UST: variants seen among roughly 807,000 people sequenced by gnomAD.
UST encodes chondroitin sulfate 2-O-sulfotransferase.
Under a neutral mutation model 45.6 loss-of-function variants are expected in UST, and 21 were observed. The ratio of observed to expected loss-of-function variants is 0.46; its 90% CI spans 0.33 to 0.66. The LOEUF is 0.66. UST is among the 30% of genes least tolerant of loss of function. UST has a pLI of 0.02. For synonymous variants in UST, 215 were observed against 200.6 expected, an observed-to-expected ratio of 1.07 and a Z score of -0.61; for missense variants, 463 against 512.4, an observed-to-expected ratio of 0.90 and a Z score of 0.93.
At chr6:148,820,349 A>G (rs1777432904) in intron 1 of UST, among the ~76,000 whole-genome samples, 1 of 152,086 alleles carries the variant, frequency 6.6e-6, no homozygotes, top group Non-Finnish European at 1.5e-5. Flanking sequence ...CTTTCTGTAT[A>G]TCATTATTAT....
In UST at chr6:148,824,342, T is replaced by C. The variant is rs143873434; in HGVS notation, c.248-62644T>C. Among the ~76,000 whole-genome samples, 163 of 152,350 alleles carry C rather than the reference T, an allele frequency of 1.1e-3. 1 individual carries two copies. The highest frequency in any genetic ancestry group is 0.01 in the Middle Eastern group (3 of 294). On this transcript the variant is annotated intron_variant, in intron 1 of 7. Coordinates refer to ENST00000367463, the MANE Select transcript of UST (RefSeq NM_005715.3). The stretch of plus-strand genomic sequence containing the variant: ...CTATGTCCCAGTCACTAGGTGATTG[T>C]GCAGTATAGGTACAGTAAGAGACAT...
chr6:148,851,943 A>G (rs1010656792), intron 1 of UST, among the ~76,000 whole-genome samples: 3 of 152,226 alleles, frequency 2.0e-5, no homozygotes, highest in African/African-American at 7.2e-5. Context: ...CGAGTGAGTG[A>G]GGCCCACACT....
At chr6:149,059,593 A>C (rs1480252802) in intron 7 of UST, among the ~76,000 whole-genome samples, 1 of 152,228 alleles carries the variant, frequency 6.6e-6, no homozygotes, top group African/African-American at 2.4e-5. Context: ...TAGAAGAAAG[A>C]GCCTGTGTTT....
chr6:149,046,200 A>T (rs1231129737), intron 7 of UST, among the ~76,000 whole-genome samples: 4 of 152,198 alleles, frequency 2.6e-5, no homozygotes, highest in African/African-American at 9.7e-5. Flanking sequence ...TGTAAGCAAG[A>T]ATGGCTTCAG....
rs12215530 is a variant in UST at position 148,901,691 on chromosome 6, G to T, written c.291+14662G>T. On this transcript the variant is annotated intron_variant, in intron 2 of 7. Coordinates refer to ENST00000367463, the MANE Select transcript of UST (RefSeq NM_005715.3). ...TCCTGCCTCAGCCTCCTGAGTAGCT[G>T]GGATTGCAGGCGCCTGCCACCACGC... is the stretch of plus-strand genomic sequence containing the variant. Among the ~76,000 whole-genome samples, 1,351 of 152,020 alleles carry T rather than the reference G, an allele frequency of 8.9e-3. 17 individuals are homozygous for T. Among genetic ancestry groups the T allele is most frequent in the Middle Eastern group, 0.024 (7 of 292 alleles).
At chr6:148,958,054 C>T (rs1016977759) in intron 4 of UST, among the ~76,000 whole-genome samples, 6 of 152,156 alleles carry the variant, frequency 3.9e-5, no homozygotes, top group Non-Finnish European at 8.8e-5. Flanking sequence ...AGGCATTATA[C>T]CATAGCTAAT....
chr6:148,883,598 T>C (rs982070162), intron 1 of UST, among the ~76,000 whole-genome samples: 1 of 152,218 alleles, frequency 6.6e-6, no homozygotes, highest in African/African-American at 2.4e-5. Context: ...GGGTGCTCTG[T>C]ATGCATTATT....
intron 5 of UST, among the ~76,000 whole-genome samples, chr6:148,976,937 A>G (rs1207194882): frequency 6.6e-6 from 1 of 152,036 alleles, no homozygotes; most frequent in Non-Finnish European, 1.5e-5. Context: ...GATCTTATTA[A>G]CTCTGAAACT....
chr6:149,070,175 A>T (rs1776798595), intron 7 of UST, among the ~76,000 whole-genome samples: 1 of 152,204 alleles, frequency 6.6e-6, no homozygotes, highest in Non-Finnish European at 1.5e-5. Context: ...AGAGGAAGGG[A>T]TTGAAGGAGG....
At chr6:148,997,657 T>C (rs1370005841) in intron 5 of UST, among the ~76,000 whole-genome samples, 2 of 152,182 alleles carry the variant, frequency 1.3e-5, no homozygotes, top group South Asian at 2.1e-4. Flanking sequence ...GAACACACTA[T>C]ACTAATAGTC....
At chr6:148,877,747 C>T (rs1432586423) in intron 1 of UST, among the ~76,000 whole-genome samples, 3 of 70,238 alleles carry the variant, frequency 4.3e-5, no homozygotes, top group African/African-American at 1.4e-4. Context: ...TGCAGGGGGT[C>T]GTGTATGAGT....
Position 148,945,825 on chromosome 6 carries a change from G to A in UST, c.447+4391G>A, listed in dbSNP as rs541479239. Among the ~76,000 whole-genome samples, 16 of 152,270 alleles carry A rather than the reference G, an allele frequency of 1.1e-4. No homozygotes were observed. The East Asian group carries it at 3.1e-3, about 29-fold the overall frequency. On this transcript the variant is annotated intron_variant, in intron 3 of 7. Transcript: ENST00000367463. ...TCTGCAGAACTCCAGTTCATTGTCT[G>A]TGAAATACTAGGCAAGTCCACATCC... is the stretch of plus-strand genomic sequence containing the variant.
At chr6:148,775,659 A>C (rs1200249418) in intron 1 of UST, among the ~76,000 whole-genome samples, 1 of 148,920 alleles carries the variant, frequency 6.7e-6, no homozygotes, top group Non-Finnish European at 1.5e-5. Context: ...AGAGAGTCTC[A>C]CTCTATCCCC....
At position 148,908,023 on chromosome 6, in the gene UST, C is replaced by T. The variant is rs187114160; in HGVS notation, c.291+20994C>T. Among the ~76,000 whole-genome samples, 61 of 150,226 alleles carry T rather than the reference C, an allele frequency of 4.1e-4. No individual in the cohort carries two copies. In the East Asian group the frequency reaches 9.2e-3, roughly 23 times the overall value. On this transcript the variant is annotated intron_variant, in intron 2 of 7. Coordinates refer to ENST00000367463, the MANE Select transcript of UST (RefSeq NM_005715.3). The stretch of plus-strand genomic sequence containing the variant: ...TCGCAGGTTCAAGCAATTCTCCTAC[C>T]TCAGCCTCCCGAGTAGCTGGGATTA...
chr6:148,955,934 G>A (rs149951079), intron 4 of UST: 1 of 152,318 alleles, frequency 6.6e-6, no homozygotes, highest in East Asian at 1.9e-4. Flanking sequence ...GCCATATTCT[G>A]TGATGGCCTC....
chr6:148,820,987 T>TTTTG (rs1777452082), intron 1 of UST, among the ~76,000 whole-genome samples: 1 of 139,708 alleles, frequency 7.2e-6, no homozygotes, highest in African/African-American at 2.7e-5. Flanking sequence ...TTTTTTTTTT[T>TTTTG]GAGACGGAGT....
chr6:149,021,375 C>T lies in UST; in HGVS notation c.831C>T (p.Asn277=), dbSNP rs576093321. The change falls in exon 7 of 8, where the codon AAC becomes AAT. Residue 277 remains asparagine (N), a synonymous_variant. Coordinates refer to ENST00000367463, the MANE Select transcript of UST (RefSeq NM_005715.3). ...GAGCAAAGCTGAACGTGAATGAAAA[C>T]TTCCTGCTCGTGGGGATTCTTGAAG... ...LERAKLNVNE[N]FLLVGILEEL... 154 of 1,614,188 alleles carry T rather than the reference C, an allele frequency of 9.5e-5. No individual in the cohort carries two copies. In the South Asian group the frequency reaches 1.6e-3, roughly 16 times the overall value.
At chr6:148,767,463 C>G (rs1349130273) in intron 1 of UST, among the ~76,000 whole-genome samples, 2 of 152,206 alleles carry the variant, frequency 1.3e-5, no homozygotes, top group African/African-American at 4.8e-5. Flanking sequence ...AGCAAACCAA[C>G]TGGTCTTAGA....
At chr6:149,014,286 C>G (rs1775862249) in intron 5 of UST, among the ~76,000 whole-genome samples, 2 of 152,226 alleles carry the variant, frequency 1.3e-5, no homozygotes, top group African/African-American at 4.8e-5. Context: ...ATGCCAGGAG[C>G]ACTCAGGCCA....
Sources: allele counts gnomAD v4.1 joint callset (sites outside exome capture counted in the v4.1 genomes callset), GRCh38; gene constraint gnomAD v4.1.1; transcripts MANE v1.5; gene names NCBI Gene and HGNC (gene_info 2026-07-23, HGNC 2026-07-21).